Variants in CTNNA2 observed in about 807,000 individuals in gnomAD.
CTNNA2 encodes the protein catenin alpha 2, also known as catenin alpha-2.
In CTNNA2, 42 loss-of-function variants were observed where a neutral mutation model predicts 101.0. The observed-to-expected ratio is 0.42, with a 90% CI of 0.32 to 0.54. The LOEUF (loss-of-function observed/expected upper bound fraction) is 0.54, where lower values mean the gene tolerates loss of function less well. Ranked by LOEUF, CTNNA2 falls within the 20% of genes least tolerant of loss-of-function variation. The probability of loss-of-function intolerance (pLI) is 0.14; values close to 1 mark genes in which losing one functional copy is unlikely to be tolerated. For synonymous variants in CTNNA2, 450 were observed against 456.4 expected (o/e 0.99, Z 0.18); for missense variants, 871 against 1,223.1 (o/e 0.71, Z 4.29).
chr2:80,372,369 T>C, intron 7 of CTNNA2, among the ~76,000 whole-genome samples: 1 of 134,718 alleles, frequency 7.4e-6, no homozygotes, highest in East Asian at 2.3e-4. Context: ...TTAGAGAAGT[T>C]TTTTTTTTTT....
chr2:80,564,615 T>C (rs1160094774), intron 12 of CTNNA2, among the ~76,000 whole-genome samples: 1 of 152,114 alleles, frequency 6.6e-6, no homozygotes, highest in African/African-American at 2.4e-5. Flanking sequence ...TTAAATTTGA[T>C]TTATGTTTGA....
chr2:80,324,520 G>A (rs1679051197), intron 7 of CTNNA2, among the ~76,000 whole-genome samples: 1 of 152,154 alleles, frequency 6.6e-6, no homozygotes, highest in African/African-American at 2.4e-5. Context: ...TTATTAAAAA[G>A]CCTTTCATGT....
chr2:79,881,315 G>A lies in CTNNA2; in HGVS notation c.852+6973G>A, dbSNP rs1030946454. On this transcript the variant is annotated intron_variant, in intron 6 of 18. Transcript: ENST00000402739. Reference sequence around the variant, plus strand: ...ATTTGGGGTGCAGAGTTCTGTAGATGTCTATTAGGTACACTTGATCCAGAG... The same window carrying A: ...ATTTGGGGTGCAGAGTTCTGTAGATATCTATTAGGTACACTTGATCCAGAG... Among the ~76,000 whole-genome samples the A allele has an allele frequency of 2.2e-4, 34 of 152,216 alleles. 1 individual carries two copies. Among genetic ancestry groups the A allele is most frequent in the Non-Finnish European group, 5.0e-4 (34 of 68,042 alleles).
chr2:79,348,533 G>A (rs940341318), intron 3 of CTNNA2, among the ~76,000 whole-genome samples: 1 of 152,220 alleles, frequency 6.6e-6, no homozygotes, highest in African/African-American at 2.4e-5. Context: ...CAGCAAAGCG[G>A]AGCTTGAGGC....
intron 6 of CTNNA2, among the ~76,000 whole-genome samples, chr2:79,885,224 A>T (rs1432135208): frequency 3.2e-5 from 2 of 62,400 alleles, no homozygotes; most frequent in African/African-American, 6.7e-5. Flanking sequence ...GGTAAGTCAG[A>T]GGCCCAAATA....
chr2:80,571,401 C>G (rs1390009294), intron 12 of CTNNA2, among the ~76,000 whole-genome samples: 1 of 151,992 alleles, frequency 6.6e-6, no homozygotes, highest in East Asian at 1.9e-4. Flanking sequence ...GAAGTACAAC[C>G]TTGAGAATAA....
intron 9 of CTNNA2, among the ~76,000 whole-genome samples, chr2:80,540,840 G>T (rs1459813866): frequency 1.3e-5 from 2 of 152,002 alleles, no homozygotes; most frequent in Admixed American, 6.6e-5. Context: ...GATTACAGGT[G>T]TGTGCCACCA....
intron 3 of CTNNA2, among the ~76,000 whole-genome samples, chr2:79,845,999 T>C (rs927762267): frequency 2.0e-5 from 3 of 152,174 alleles, no homozygotes; most frequent in African/African-American, 7.2e-5. Context: ...AAATCAGTGG[T>C]AGGTCAGAAA....
intron 16 of CTNNA2, among the ~76,000 whole-genome samples, chr2:80,606,365 CAA>C (rs1177208969): frequency 6.1e-5 from 6 of 98,146 alleles, no homozygotes; most frequent in African/African-American, 1.3e-4. Flanking sequence ...AAAAACACAT[CAA>C]ACACACACAC....
intron 7 of CTNNA2, among the ~76,000 whole-genome samples, chr2:80,374,745 A>G (rs1675777677): frequency 1.3e-5 from 2 of 150,856 alleles, no homozygotes; most frequent in Admixed American, 1.3e-4. Flanking sequence ...GATACCAGTC[A>G]TATTGGATTA....
At chr2:80,407,693 A>C (rs1482336808) in intron 8 of CTNNA2, among the ~76,000 whole-genome samples, 2 of 152,220 alleles carry the variant, frequency 1.3e-5, no homozygotes, top group African/African-American at 2.4e-5. Flanking sequence ...GAATCCAACT[A>C]CGTTTCTCTT....
intron 7 of CTNNA2, among the ~76,000 whole-genome samples, chr2:79,968,176 C>T (rs1690211685): frequency 6.6e-6 from 1 of 150,906 alleles, no homozygotes; most frequent in South Asian, 2.1e-4. Context: ...GAATTGTTTA[C>T]TTTAAATTGA....
intron 2 of CTNNA2, among the ~76,000 whole-genome samples, chr2:79,726,563 TCATCCTGAAAC>T (rs1268305901): frequency 6.6e-5 from 10 of 152,194 alleles, no homozygotes; most frequent in African/African-American, 2.4e-4. Flanking sequence ...TGGAGCAGTT[TCATCCTGAAAC>T]CATCCCTCCT....
intron 9 of CTNNA2, among the ~76,000 whole-genome samples, chr2:80,478,981 C>G (rs866004346): frequency 6.6e-6 from 1 of 151,080 alleles, no homozygotes; most frequent in Non-Finnish European, 1.5e-5. Flanking sequence ...GCCATTATAA[C>G]AGTATTGATT....
intron 7 of CTNNA2, among the ~76,000 whole-genome samples, chr2:80,137,179 G>A (rs1702741585): frequency 6.6e-6 from 1 of 152,096 alleles, no homozygotes; most frequent in Non-Finnish European, 1.5e-5. Context: ...TATCTTATAA[G>A]GCAGAATACA....
chr2:79,196,713 C>G (rs1673966296), intron 1 of CTNNA2, among the ~76,000 whole-genome samples: 1 of 152,156 alleles, frequency 6.6e-6, no homozygotes, highest in Non-Finnish European at 1.5e-5. Flanking sequence ...CTGCTTTATA[C>G]ACCAACTTAC....
chr2:79,721,315 T>A (rs2104864358), intron 2 of CTNNA2, among the ~76,000 whole-genome samples: 1 of 152,146 alleles, frequency 6.6e-6, no homozygotes, highest in East Asian at 1.9e-4. Context: ...AGGGCCTTCT[T>A]GCTGTGTCAT....
At chr2:79,601,796 C>A (rs1269071222) in intron 1 of CTNNA2, among the ~76,000 whole-genome samples, 1 of 152,178 alleles carries the variant, frequency 6.6e-6, no homozygotes, top group Non-Finnish European at 1.5e-5. Context: ...TGAAAATACA[C>A]TGTAAAGGTA....
intron 7 of CTNNA2, among the ~76,000 whole-genome samples, chr2:79,981,920 TG>T (rs1691300847): frequency 6.6e-6 from 1 of 151,994 alleles, no homozygotes; most frequent in African/African-American, 2.4e-5. Context: ...TAAACGACTT[TG>T]AGTTTCAGTT....
Sources: allele counts gnomAD v4.1 joint callset (sites outside exome capture counted in the v4.1 genomes callset), GRCh38; gene constraint gnomAD v4.1.1; transcripts MANE v1.5; gene names NCBI Gene and HGNC (gene_info 2026-07-23, HGNC 2026-07-21).